The following NEGR1 variants were observed in gnomAD, a reference collection of about 807,000 sequenced individuals.
NEGR1 encodes the protein neuronal growth regulator 1.
NEGR1 carries 10 observed loss-of-function variants against 40.9 expected under a neutral mutation model. That is an observed-to-expected ratio of 0.24 (90% confidence interval 0.15 to 0.42). The LOEUF is 0.42. Among genes scored for constraint, NEGR1 ranks in the 10% least tolerant of loss-of-function variants. The probability of loss-of-function intolerance (pLI) is 1.00; values close to 1 mark genes in which losing one functional copy is unlikely to be tolerated. For missense variants in NEGR1, 352 were observed against 438.9 expected (o/e 0.80, Z 1.77); for synonymous variants, 185 against 166.8 (o/e 1.11, Z -0.84).
At chr1:72,065,703 C>T (rs922922317) in intron 1 of NEGR1, among the ~76,000 whole-genome samples, 1 of 152,038 alleles carries the variant, frequency 6.6e-6, no homozygotes, top group African/African-American at 2.4e-5. Context: ...GAAGGTTGGT[C>T]ATCATCATAT....
chr1:72,129,717 G>A (rs964605433), intron 1 of NEGR1, among the ~76,000 whole-genome samples: 7 of 152,132 alleles, frequency 4.6e-5, no homozygotes, highest in Admixed American at 4.6e-4. Flanking sequence ...TGAATGAAAA[G>A]GAATGGAAAT....
chr1:71,799,804 C>A (rs1200463224), intron 2 of NEGR1, among the ~76,000 whole-genome samples: 3 of 152,102 alleles, frequency 2.0e-5, no homozygotes, highest in African/African-American at 7.2e-5. Flanking sequence ...CCTCCACGTC[C>A]TGGGTTCAAG....
At chr1:71,662,659 T>C (rs1215025331) in intron 4 of NEGR1, among the ~76,000 whole-genome samples, 1 of 151,732 alleles carries the variant, frequency 6.6e-6, no homozygotes, top group Non-Finnish European at 1.5e-5. Context: ...TGTGATTATA[T>C]TTATAACGTC....
intron 3 of NEGR1, among the ~76,000 whole-genome samples, chr1:71,700,501 C>G (rs1653652315): frequency 6.6e-6 from 1 of 151,976 alleles, no homozygotes; most frequent in Non-Finnish European, 1.5e-5. Flanking sequence ...GTACTTATAT[C>G]AGTTGTCTAT....
chr1:71,539,839 A>G (rs1014219442), intron 6 of NEGR1, among the ~76,000 whole-genome samples: 9 of 151,772 alleles, frequency 5.9e-5, no homozygotes, highest in African/African-American at 2.2e-4. Context: ...AAAAAGAAGT[A>G]CTGATAACAA....
chr1:71,886,872 A>G (rs2101849126), intron 2 of NEGR1, among the ~76,000 whole-genome samples: 1 of 152,286 alleles, frequency 6.6e-6, no homozygotes, highest in South Asian at 2.1e-4. Flanking sequence ...GTTACTTTGT[A>G]TTGACTAGTG....
chr1:71,463,633 T>C (rs911763613), intron 6 of NEGR1: 11 of 152,148 alleles, frequency 7.2e-5, no homozygotes, highest in African/African-American at 2.7e-4. Context: ...CTGATAAGTA[T>C]AGAAGGTCAT....
intron 2 of NEGR1, among the ~76,000 whole-genome samples, chr1:71,789,980 A>G (rs1048852960): frequency 1.3e-5 from 2 of 152,122 alleles, no homozygotes; most frequent in Admixed American, 1.3e-4. Flanking sequence ...AGTATAAACT[A>G]TATCTAAATA....
intron 1 of NEGR1, among the ~76,000 whole-genome samples, chr1:72,278,461 G>A (rs3101340): frequency 0.47 from 70,984 of 151,804 alleles, 17,180 homozygotes; most frequent in African/African-American, 0.52. Context: ...GTTTCCAAGG[G>A]GTATTAAACA....
At chr1:71,600,824 A>G (rs955172985) in intron 5 of NEGR1, among the ~76,000 whole-genome samples, 3 of 152,236 alleles carry the variant, frequency 2.0e-5, no homozygotes, top group Admixed American at 2.0e-4. Context: ...TATTTATTTT[A>G]GAACGATCAT....
chr1:71,445,308 T>TAA lies in NEGR1; in HGVS notation c.941-37739_941-37738insTT, dbSNP rs1553142236. 4.8e-5 allele frequency among the ~76,000 whole-genome samples: 7 copies of TAA among 145,100 alleles called. No individual in the cohort carries two copies. The South Asian group carries it at 6.4e-4, about 13-fold the overall frequency. On this transcript the variant is annotated intron_variant, in intron 6 of 6. Coordinates refer to ENST00000357731, the MANE Select transcript of NEGR1 (RefSeq NM_173808.3). ...GAACACAAGCTCAATGCTTTTTTTT[T>TAA]TAAAAAAAAAATAGCTTACACTGTC...
intron 1 of NEGR1, among the ~76,000 whole-genome samples, chr1:72,101,503 G>A (rs1648936091): frequency 6.6e-6 from 1 of 152,084 alleles, no homozygotes; most frequent in South Asian, 2.1e-4. Flanking sequence ...TCCTATTTCA[G>A]GGTGCAATTT....
intron 6 of NEGR1, among the ~76,000 whole-genome samples, chr1:71,552,488 A>T (rs192547416): frequency 4.3e-4 from 64 of 148,428 alleles, no homozygotes; most frequent in African/African-American, 1.5e-3. Context: ...ACTATAATAC[A>T]TTAGAAGAAT....
chr1:71,459,861 A>G (rs1341688927), intron 6 of NEGR1, among the ~76,000 whole-genome samples: 1 of 152,166 alleles, frequency 6.6e-6, no homozygotes, highest in African/African-American at 2.4e-5. Flanking sequence ...TATTAGCTCA[A>G]TCATAACTTC....
At chr1:72,262,539 T>C (rs2100547004) in intron 1 of NEGR1, among the ~76,000 whole-genome samples, 1 of 152,114 alleles carries the variant, frequency 6.6e-6, no homozygotes, top group East Asian at 1.9e-4. Flanking sequence ...TTTTGTTTTT[T>C]CTAGTGGATC....
chr1:71,764,386 G>A (rs993777757), intron 3 of NEGR1, among the ~76,000 whole-genome samples: 1 of 152,170 alleles, frequency 6.6e-6, no homozygotes, highest in Non-Finnish European at 1.5e-5. Context: ...ATGTGGTTAT[G>A]TTATAAATCA....
intron 2 of NEGR1, among the ~76,000 whole-genome samples, chr1:71,792,455 C>A (rs1395069734): frequency 1.3e-5 from 2 of 152,100 alleles, no homozygotes; most frequent in African/African-American, 4.8e-5. Flanking sequence ...CAGCTAAACC[C>A]ACACACTTTC....
At chr1:71,618,186 T>G (rs1650503252) in intron 4 of NEGR1, among the ~76,000 whole-genome samples, 1 of 152,142 alleles carries the variant, frequency 6.6e-6, no homozygotes, top group East Asian at 1.9e-4. Flanking sequence ...ATCGTCTTGC[T>G]CAGCTTTCGA....
intron 4 of NEGR1, among the ~76,000 whole-genome samples, chr1:71,650,468 A>G (rs539450436): frequency 1.3e-5 from 2 of 152,322 alleles, no homozygotes; most frequent in East Asian, 3.9e-4. Context: ...TAAAAAGTAC[A>G]TTGAACCTGT....
Sources: gnomAD v4.1 joint callset for allele counts (sites outside exome capture counted in the v4.1 genomes callset) on GRCh38, gnomAD v4.1.1 for gene constraint, MANE v1.5 for transcripts, NCBI Gene and HGNC (gene_info 2026-07-23, HGNC 2026-07-21) for gene names.